Variants in TGS1 observed in about 807,000 individuals in gnomAD.
TGS1 encodes trimethylguanosine synthase 1.
TGS1 carries 69 observed loss-of-function variants against 92.2 expected under a neutral mutation model. The ratio of observed to expected loss-of-function variants is 0.75; its 90% CI spans 0.62 to 0.91. The LOEUF (loss-of-function observed/expected upper bound fraction) is 0.91. Among genes scored for constraint, TGS1 ranks in the 40% least tolerant of loss-of-function variants. The pLI is 0.00. For synonymous variants in TGS1, 345 were observed against 338.1 expected, an observed-to-expected ratio of 1.02 and a Z score of -0.22; for missense variants, 1,062 against 1,001.2, an observed-to-expected ratio of 1.06 and a Z score of -0.82.
intron 12 of TGS1, among the ~76,000 whole-genome samples, chr8:55,815,033 C>T (rs939563993): frequency 6.6e-6 from 1 of 152,016 alleles, no homozygotes; most frequent in African/African-American, 2.4e-5. Flanking sequence ...TGCTCTACAT[C>T]GTCTCATCAG....
At chr8:55,806,992 G>C (rs1184978881) in intron 10 of TGS1, among the ~76,000 whole-genome samples, 2 of 151,556 alleles carry the variant, frequency 1.3e-5, no homozygotes, top group Admixed American at 6.6e-5. Context: ...CAGTGGCGCG[G>C]ATCTCGGCTC....
chr8:55,805,382 A>C (rs1812337106), intron 10 of TGS1, among the ~76,000 whole-genome samples: 1 of 152,214 alleles, frequency 6.6e-6, no homozygotes, highest in African/African-American at 2.4e-5. Context: ...AAATAATTTA[A>C]AAGGTAGGAA....
Position 55,809,312 on chromosome 8 carries a change from C to G in TGS1, c.2144-1569C>G, listed in dbSNP as rs112793726. ...TGTATGTGTTCCAGTAGTTTAGCAA[C>G]AGTACTGCGTGGTAGAACTCTTTGT... On this transcript the variant is annotated intron_variant, in intron 10 of 12. Transcript: ENST00000260129. Among the ~76,000 whole-genome samples the G allele has an allele frequency of 5.8e-3, 888 of 152,270 alleles. 5 individuals are homozygous for G. The highest frequency in any genetic ancestry group is 0.02 in the African/African-American group (833 of 41,538).
chr8:55,793,637 G>A (rs1811948426), intron 6 of TGS1, among the ~76,000 whole-genome samples: 1 of 151,882 alleles, frequency 6.6e-6, no homozygotes, highest in South Asian at 2.1e-4. Context: ...GTGCGATCTC[G>A]GCCCACTGCG....
chr8:55,781,705 T>C (rs1307037034), intron 1 of TGS1, among the ~76,000 whole-genome samples: 1 of 152,216 alleles, frequency 6.6e-6, no homozygotes, highest in Non-Finnish European at 1.5e-5. Context: ...CACCACCTAC[T>C]TTACATTTAA....
At chr8:55,811,180 T>A in intron 11 of TGS1, 83 bp downstream of exon 11, 1 of 131,428 alleles carries the variant, frequency 7.6e-6, no homozygotes, top group Non-Finnish European at 1.5e-5. Flanking sequence ...GGAGTGTGGG[T>A]GGGTGGGCAG....
intron 8 of TGS1, among the ~76,000 whole-genome samples, chr8:55,799,470 C>G (rs1410978105): frequency 6.6e-6 from 1 of 152,186 alleles, no homozygotes; most frequent in Non-Finnish European, 1.5e-5. Flanking sequence ...AGCATTGTGT[C>G]TGCAGACCAC....
intron 1 of TGS1, among the ~76,000 whole-genome samples, chr8:55,780,176 C>CT (rs1379304311): frequency 0.11 from 12,113 of 106,916 alleles, 612 homozygotes; most frequent in African/African-American, 0.14. Context: ...TTTTTTTTTT[C>CT]TTTTTTTTTT....
chr8:55,791,638 C>G (rs973301225), intron 5 of TGS1, among the ~76,000 whole-genome samples: 4 of 152,190 alleles, frequency 2.6e-5, no homozygotes, highest in Admixed American at 2.0e-4. Flanking sequence ...AAACAACGTG[C>G]GTGACCTCTC....
At chr8:55,782,161 T>A (rs1024317224) in intron 1 of TGS1, among the ~76,000 whole-genome samples, 57 of 104,890 alleles carry the variant, frequency 5.4e-4, no homozygotes, top group African/African-American at 2.3e-3. Flanking sequence ...TTTATTTATT[T>A]ATTTATTTAT....
chr8:55,784,103 G>T (rs535784559), intron 2 of TGS1, among the ~76,000 whole-genome samples: 1 of 152,260 alleles, frequency 6.6e-6, no homozygotes, highest in East Asian at 1.9e-4. Context: ...TTACTGTTCT[G>T]TTGCCTGAGA....
rs902990255 is a variant in TGS1, at chr8:55,773,512, A to G, written c.-107A>G. ...GCCGCGGGCCAGTTTCTATCTCCTC[A>G]TCCAGGGCTTGCGGGCGAGGCCTGT... On this transcript the variant is annotated 5_prime_UTR_variant, in exon 1 of 13. Transcript: ENST00000260129. 3.8e-6 allele frequency: 3 copies of G among 789,484 alleles called. No homozygotes were observed. In the African/African-American group the frequency reaches 5.3e-5, roughly 14 times the overall value. 48.9% of individuals were successfully genotyped at this position (789,484 alleles called of 1,614,324 possible). A position where few individuals can be genotyped will look rare whatever the true frequency, so the allele number is the denominator to read the frequency against.
intron 1 of TGS1, among the ~76,000 whole-genome samples, chr8:55,774,474 A>G (rs566361967): frequency 6.6e-6 from 1 of 152,356 alleles, no homozygotes; most frequent in African/African-American, 2.4e-5. Flanking sequence ...GTTTGAAGGA[A>G]TTCATTTTTC....
rs964053413 is a variant in TGS1 at position 55,814,034 on chromosome 8, A to G, written c.2439+916A>G. On this transcript the variant is annotated intron_variant, in intron 12 of 12. Transcript: ENST00000260129. The stretch of plus-strand genomic sequence containing the variant: ...CCAAACACGGCTCACTGCAGCCTCA[A>G]CTAACTGGGCTCAAGCAGTCCTCCC... Among the ~76,000 whole-genome samples, 8 of 152,158 alleles carry G rather than the reference A, an allele frequency of 5.3e-5. No homozygotes were observed. The East Asian group carries it at 1.4e-3, about 26-fold the overall frequency.
At chr8:55,787,480 G>T (rs1811753085) in intron 4 of TGS1, among the ~76,000 whole-genome samples, 2 of 152,024 alleles carry the variant, frequency 1.3e-5, no homozygotes, top group Admixed American at 6.6e-5. Flanking sequence ...GTCTTGCTGT[G>T]AAAAAAAGAT....
chr8:55,817,656 A>G (rs932958547), intron 12 of TGS1, among the ~76,000 whole-genome samples: 3 of 152,198 alleles, frequency 2.0e-5, no homozygotes, highest in African/African-American at 4.8e-5. Flanking sequence ...TTAAGTTAAT[A>G]TAGTGGAAAT....
intron 12 of TGS1, among the ~76,000 whole-genome samples, chr8:55,823,910 C>T (rs763182277): frequency 1.1e-4 from 16 of 151,622 alleles, no homozygotes; most frequent in African/African-American, 1.7e-4. Flanking sequence ...GTCAGGAGTT[C>T]GAGACCAGCC....
intron 12 of TGS1, among the ~76,000 whole-genome samples, chr8:55,823,055 C>T (rs1442975486): frequency 6.6e-6 from 1 of 152,122 alleles, no homozygotes; most frequent in Non-Finnish European, 1.5e-5. Context: ...ATTGCTGTGT[C>T]TTCTATTCTC....
intron 12 of TGS1, among the ~76,000 whole-genome samples, chr8:55,815,895 G>T (rs1024315191): frequency 6.6e-6 from 1 of 151,694 alleles, no homozygotes; most frequent in Non-Finnish European, 1.5e-5. Flanking sequence ...TCTTGAAATT[G>T]CTGTTGAAAC....
Sources: allele counts gnomAD v4.1 joint callset (sites outside exome capture counted in the v4.1 genomes callset), GRCh38; gene constraint gnomAD v4.1.1; transcripts MANE v1.5; gene names NCBI Gene and HGNC (gene_info 2026-07-23, HGNC 2026-07-21).